Variants in KIAA0040 observed in about 807,000 individuals in gnomAD.
The protein encoded by KIAA0040 is KIAA0040, also known as uncharacterized protein KIAA0040.
KIAA0040 carries 10 observed loss-of-function variants against 7.2 expected under a neutral mutation model. The observed-to-expected ratio is 1.38, with a 90% CI of 0.85 to 2.34. KIAA0040 has a LOEUF of 2.34. KIAA0040 is among the 30% of genes most tolerant of loss of function. The probability of loss-of-function intolerance (pLI) is 0.00; values close to 1 mark genes in which losing one functional copy is unlikely to be tolerated. For missense variants in KIAA0040, 89 were observed against 108.2 expected (o/e 0.82, Z 0.79); for synonymous variants, 49 against 40.1 (o/e 1.22, Z -0.84).
At chr1:175,182,891 C>T (rs1409794617) in intron 1 of KIAA0040, among the ~76,000 whole-genome samples, 1 of 152,224 alleles carries the variant, frequency 6.6e-6, no homozygotes, top group South Asian at 2.1e-4. Context: ...CTGTAGGCAT[C>T]TGAGCTTGTG....
At chr1:175,181,321 T>A (rs1236172967) in intron 1 of KIAA0040, among the ~76,000 whole-genome samples, 6 of 152,238 alleles carry the variant, frequency 3.9e-5, no homozygotes, top group African/African-American at 7.2e-5. Context: ...CTTCCTTTGC[T>A]GGCTTTTTCT....
intron 1 of KIAA0040, among the ~76,000 whole-genome samples, 182 bp from the exon 2 acceptor site, chr1:175,177,866 C>T (rs1038670975): frequency 6.6e-6 from 1 of 152,158 alleles, no homozygotes; most frequent in Non-Finnish European, 1.5e-5. Flanking sequence ...TCACAGGGTC[C>T]TTAGGTAAAA....
Position 175,157,210 on chromosome 1 carries a change from C to G in KIAA0040, c.*3504G>C, listed in dbSNP as rs960032464. ...ATTCTTCCTTAGGTTTTTGCTATTTCCCCCCTTTTCCTTTAAGAAGCCATT... is the reference window on the plus strand; with the variant it reads ...ATTCTTCCTTAGGTTTTTGCTATTTGCCCCCTTTTCCTTTAAGAAGCCATT... On this transcript the variant is annotated 3_prime_UTR_variant, in exon 4 of 4. Coordinates refer to ENST00000423313, the MANE Select transcript of KIAA0040 (RefSeq NM_014656.3). 6.6e-6 allele frequency: 1 copy of G among 152,150 alleles called. No individual in the cohort carries two copies. The highest frequency in any genetic ancestry group is 1.5e-5 in the Non-Finnish European group (1 of 68,034). 9.4% of individuals were successfully genotyped at this position (152,150 alleles called of 1,614,324 possible).
At chr1:175,188,965 G>A (rs1336122641) in intron 1 of KIAA0040, among the ~76,000 whole-genome samples, 2 of 152,198 alleles carry the variant, frequency 1.3e-5, no homozygotes, top group Non-Finnish European at 2.9e-5. Context: ...TTCCTGGGCA[G>A]AGGCAGATGG....
At chr1:175,171,488 C>T (rs1369431772) in intron 2 of KIAA0040, among the ~76,000 whole-genome samples, 1 of 152,142 alleles carries the variant, frequency 6.6e-6, no homozygotes, top group Non-Finnish European at 1.5e-5. Context: ...CAAACCAGGT[C>T]ACTGGGGAGA....
chr1:175,176,253 TC>T (rs1186925303), intron 2 of KIAA0040: 1 of 152,224 alleles, frequency 6.6e-6, no homozygotes, highest in Non-Finnish European at 1.5e-5. Context: ...TATTTTCCTT[TC>T]CATTTTGTCC....
chr1:175,189,288 G>A (rs1269879799), intron 1 of KIAA0040, among the ~76,000 whole-genome samples: 1 of 152,216 alleles, frequency 6.6e-6, no homozygotes, highest in Non-Finnish European at 1.5e-5. Flanking sequence ...ATTGACTAAT[G>A]CTCAGATTCA....
chr1:175,170,110 A>G (rs1006621563), intron 2 of KIAA0040, among the ~76,000 whole-genome samples: 1 of 152,206 alleles, frequency 6.6e-6, no homozygotes, highest in Admixed American at 6.5e-5. Context: ...CTAAGGACCA[A>G]GCGTGCACAG....
chr1:175,178,811 G>C (rs923679842), intron 1 of KIAA0040, among the ~76,000 whole-genome samples: 1 of 152,176 alleles, frequency 6.6e-6, no homozygotes, highest in Non-Finnish European at 1.5e-5. Context: ...TAATATATAT[G>C]AGAGTTCTTT....
intron 2 of KIAA0040, among the ~76,000 whole-genome samples, chr1:175,172,806 T>C (rs891477430): frequency 1.3e-5 from 2 of 152,210 alleles, no homozygotes; most frequent in African/African-American, 4.8e-5. Context: ...GATGAATGAA[T>C]TAATGCATCG....
chr1:175,158,557 A>C lies in KIAA0040; in HGVS notation c.*2157T>G, dbSNP rs1676390181. ...ACTGAGAGGTGGAGACAGGAAGGGC[A>C]GCTTGTCCTGGTGAGCAGTGGCAGT... On this transcript the variant is annotated 3_prime_UTR_variant, in exon 4 of 4. Coordinates refer to ENST00000423313, the MANE Select transcript of KIAA0040 (RefSeq NM_014656.3). 1 of 152,450 alleles carries C rather than the reference A, an allele frequency of 6.6e-6. No homozygotes were observed. Among genetic ancestry groups the C allele is most frequent in the South Asian group, 2.1e-4 (1 of 4,826 alleles). 9.4% of individuals were successfully genotyped at this position (152,450 alleles called of 1,614,324 possible).
intron 1 of KIAA0040, among the ~76,000 whole-genome samples, chr1:175,183,657 AG>A (rs747617953): frequency 1.1e-3 from 173 of 152,342 alleles, no homozygotes; most frequent in Non-Finnish European, 2.0e-3. Flanking sequence ...CAGCCGAACA[AG>A]GGTGAAGCAG....
chr1:175,184,779 T>G (rs557521494), intron 1 of KIAA0040, among the ~76,000 whole-genome samples: 1 of 152,328 alleles, frequency 6.6e-6, no homozygotes, highest in East Asian at 1.9e-4. Context: ...TTTCATCTCC[T>G]TTGAAAAGTC....
intron 1 of KIAA0040, among the ~76,000 whole-genome samples, 185 bp downstream of exon 1, chr1:175,192,455 C>T (rs1475372677): frequency 3.3e-5 from 5 of 152,030 alleles, no homozygotes; most frequent in African/African-American, 9.7e-5. Flanking sequence ...AGAGTCCTCG[C>T]GAAGGAGGGA....
At chr1:175,164,053 T>C (rs1452607497) in intron 3 of KIAA0040, among the ~76,000 whole-genome samples, 1 of 152,006 alleles carries the variant, frequency 6.6e-6, no homozygotes, top group African/African-American at 2.4e-5. Context: ...AGCCTGGAGC[T>C]CAGGGTGGGA....
intron 1 of KIAA0040, among the ~76,000 whole-genome samples, chr1:175,186,156 C>G (rs1677652119): frequency 6.6e-6 from 1 of 152,084 alleles, no homozygotes; most frequent in Admixed American, 6.5e-5. Context: ...TGCCACTAAG[C>G]TATTCACTTT....
chr1:175,158,545 G>T lies in KIAA0040; in HGVS notation c.*2169C>A, dbSNP rs1162834461. The stretch of plus-strand genomic sequence containing the variant: ...CATTCTAGGGGGACTGAGAGGTGGA[G>T]ACAGGAAGGGCAGCTTGTCCTGGTG... On this transcript the variant is annotated 3_prime_UTR_variant, in exon 4 of 4. Coordinates refer to ENST00000423313, the MANE Select transcript of KIAA0040 (RefSeq NM_014656.3). The T allele has an allele frequency of 1.3e-5, 2 of 152,392 alleles. No individual in the cohort carries two copies. Among genetic ancestry groups the T allele is most frequent in the Non-Finnish European group, 2.9e-5 (2 of 68,118 alleles). The allele number at this position is 152,392 out of a possible 1,614,324, so 9.4% of individuals were successfully genotyped here.
intron 3 of KIAA0040, among the ~76,000 whole-genome samples, chr1:175,162,903 A>C (rs1676603773): frequency 6.6e-6 from 1 of 152,258 alleles, no homozygotes; most frequent in African/African-American, 2.4e-5. Context: ...ATAGGATGAC[A>C]ATAATAATTG....
At chr1:175,170,181 G>A (rs1447524204) in intron 2 of KIAA0040, among the ~76,000 whole-genome samples, 1 of 152,176 alleles carries the variant, frequency 6.6e-6, no homozygotes, top group Non-Finnish European at 1.5e-5. Context: ...AAGTGGGAAA[G>A]CGCATGGCAC....
Sources: allele counts gnomAD v4.1 joint callset (sites outside exome capture counted in the v4.1 genomes callset), GRCh38; gene constraint gnomAD v4.1.1; transcripts MANE v1.5; gene names NCBI Gene and HGNC (gene_info 2026-07-23, HGNC 2026-07-21).